The following ELL variants were observed in gnomAD, a reference collection of about 807,000 sequenced individuals.
The protein encoded by ELL is RNA polymerase II elongation factor ELL.
Under a neutral mutation model 64.0 loss-of-function variants are expected in ELL, and 18 were observed. The ratio of observed to expected loss-of-function variants is 0.28; its 90% CI spans 0.19 to 0.42. The LOEUF is 0.42. ELL is among the 10% of genes least tolerant of loss of function. The probability of loss-of-function intolerance (pLI) is 1.00; values close to 1 mark genes in which losing one functional copy is unlikely to be tolerated. For missense variants in ELL, 797 were observed against 870.4 expected (o/e 0.92, Z 1.06); for synonymous variants, 399 against 376.2 (o/e 1.06, Z -0.70).
intron 2 of ELL, chr19:18,472,588 T>G: frequency 1.9e-6 from 1 of 517,444 alleles, no homozygotes; most frequent in East Asian, 3.2e-5. Context: ...TGCACATCGC[T>G]GCATGAAGGG....
At chr19:18,520,916 C>G (rs897941661) in intron 1 of ELL, among the ~76,000 whole-genome samples, 3 of 151,926 alleles carry the variant, frequency 2.0e-5, no homozygotes, top group Non-Finnish European at 4.4e-5. Flanking sequence ...CCAGCACAGA[C>G]GGGGGGAGGG....
Position 18,450,520 on chromosome 19 carries a change from T to C in ELL, c.1422A>G (p.Ala474=). The C allele has an allele frequency of 6.2e-7, 1 of 1,613,188 alleles. No individual in the cohort carries two copies. The highest frequency in any genetic ancestry group is 8.5e-7 in the Non-Finnish European group (1 of 1,179,930). The change falls in exon 8 of 12, where the codon GCA becomes GCG. Residue 474 remains alanine, a synonymous_variant. Transcript: ENST00000262809. ...DKPRAQLPDC[A]PATHATPGAP... is the part of the protein sequence containing the mutation. The stretch of plus-strand genomic sequence containing the variant: ...CTCCGGGGGTGGCATGGGTGGCAGG[T>C]GCACAGTCTGGAAGCTGGGCCCGGG...
chr19:18,457,337 G>A (rs1178502670), intron 6 of ELL, among the ~76,000 whole-genome samples: 1 of 152,188 alleles, frequency 6.6e-6, no homozygotes, highest in Non-Finnish European at 1.5e-5. Flanking sequence ...GAGGACACAG[G>A]GTATGAGGAT....
chr19:18,497,580 G>A (rs931489278), intron 1 of ELL, among the ~76,000 whole-genome samples: 1 of 152,188 alleles, frequency 6.6e-6, no homozygotes, highest in African/African-American at 2.4e-5. Context: ...AGCACTTTAG[G>A]AGGCCTGGGT....
At chr19:18,458,133 A>G (rs1426315200) in intron 6 of ELL, 72 bp downstream of exon 6, 2 of 1,581,166 alleles carry the variant, frequency 1.3e-6, no homozygotes, top group Non-Finnish European at 1.7e-6. Flanking sequence ...AGACCACCCC[A>G]GCATCCTCTG....
chr19:18,446,756 G>T lies in ELL; in HGVS notation c.1524C>A (p.Asp508Glu). Residue 508 changes from aspartate (D) to glutamate (E), a missense_variant, in exon 9 of 12, where the codon GAC (aspartate) becomes GAA (glutamate). Transcript: ENST00000262809. ...SVPTSTSETP[D>E]YLLKYAAISS... is the part of the protein sequence containing the mutation. Reference sequence around the variant, plus strand: ...CCCAGACAAACACTCACAGCAAGTAGTCAGGCGTCTCCGACGTGGACGTGG... The same window carrying T: ...CCCAGACAAACACTCACAGCAAGTATTCAGGCGTCTCCGACGTGGACGTGG... 6.2e-7 allele frequency: 1 copy of T among 1,613,994 alleles called. No homozygotes were observed. The highest frequency in any genetic ancestry group is 1.7e-5 in the Admixed American group (1 of 60,010).
intron 1 of ELL, among the ~76,000 whole-genome samples, chr19:18,474,035 A>G (rs1975122850): frequency 6.6e-6 from 1 of 152,178 alleles, no homozygotes; most frequent in South Asian, 2.1e-4. Flanking sequence ...GCAGCTCCAC[A>G]CCTGCGACAG....
chr19:18,495,382 A>G (rs889264520), intron 1 of ELL, among the ~76,000 whole-genome samples: 4 of 152,160 alleles, frequency 2.6e-5, no homozygotes, highest in Non-Finnish European at 5.9e-5. Flanking sequence ...TGGCAACAGC[A>G]GCAAAAAGCC....
chr19:18,480,603 G>C (rs989873501), intron 1 of ELL, among the ~76,000 whole-genome samples: 1 of 152,240 alleles, frequency 6.6e-6, no homozygotes, highest in Non-Finnish European at 1.5e-5. Context: ...CAAGCCAAGT[G>C]TAATTCAGTG....
rs1974355461 is a variant in ELL, at chr19:18,444,091, G to A, written c.*661C>T. On this transcript the variant is annotated 3_prime_UTR_variant, in exon 12 of 12. Transcript: ENST00000262809. The stretch of plus-strand genomic sequence containing the variant: ...CCTTGGCTCTGAGCAGCTGTCTGGG[G>A]GCACCAGCTGGAGTTCTCAAAATAG... 2.6e-5 allele frequency: 6 copies of A among 231,212 alleles called. No homozygotes were observed. The East Asian group carries it at 3.7e-4, about 14-fold the overall frequency. The allele number at this position is 231,212 out of a possible 1,614,324, so 14.3% of individuals were successfully genotyped here.
At chr19:18,500,360 C>T (rs1285781094) in intron 1 of ELL, among the ~76,000 whole-genome samples, 1 of 152,122 alleles carries the variant, frequency 6.6e-6, no homozygotes, top group Non-Finnish European at 1.5e-5. Context: ...CTGTGCATAT[C>T]GTGGGTTTGT....
chr19:18,517,206 C>T (rs143064994), intron 1 of ELL, among the ~76,000 whole-genome samples: 2 of 152,216 alleles, frequency 1.3e-5, no homozygotes, highest in Non-Finnish European at 2.9e-5. Context: ...AGAAATCACT[C>T]ATCAGAGCAA....
In ELL at chr19:18,495,784, C is replaced by T. The variant is rs143206078; in HGVS notation, c.136-22902G>A. Among the ~76,000 whole-genome samples the T allele has an allele frequency of 6.3e-3, 958 of 152,308 alleles. 13 individuals are homozygous for T. Among genetic ancestry groups the T allele is most frequent in the African/African-American group, 0.022 (916 of 41,552 alleles). ...GATGGGGAGGCAGGCAGGTCCCACG[C>T]GCCTCAGCTTCCCAATACTGACCAA... On this transcript the variant is annotated intron_variant, in intron 1 of 11. Coordinates refer to ENST00000262809, the MANE Select transcript of ELL (RefSeq NM_006532.4).
chr19:18,476,208 G>T (rs898846228), intron 1 of ELL, among the ~76,000 whole-genome samples: 4 of 152,196 alleles, frequency 2.6e-5, no homozygotes, highest in African/African-American at 9.7e-5. Context: ...GAGAGCAGGT[G>T]GGCCCCGTCT....
chr19:18,460,546 G>A (rs1220193650), intron 5 of ELL, among the ~76,000 whole-genome samples: 1 of 152,212 alleles, frequency 6.6e-6, no homozygotes, highest in Non-Finnish European at 1.5e-5. Flanking sequence ...GCCAGCCCTA[G>A]CCTTGGGAGC....
intron 1 of ELL, among the ~76,000 whole-genome samples, chr19:18,475,090 C>T (rs1411612382): frequency 6.6e-6 from 1 of 152,144 alleles, no homozygotes; most frequent in Non-Finnish European, 1.5e-5. Flanking sequence ...CACCACTGCA[C>T]TCCAGCCTGG....
chr19:18,460,011 T>C (rs964509110), intron 5 of ELL, among the ~76,000 whole-genome samples: 6 of 152,158 alleles, frequency 3.9e-5, no homozygotes, highest in Admixed American at 3.9e-4. Flanking sequence ...ATGACAGGCT[T>C]TGCTAAATAT....
chr19:18,461,541 A>G, intron 5 of ELL, 37 bp downstream of exon 5: 1 of 1,564,432 alleles, frequency 6.4e-7, no homozygotes, highest in Non-Finnish European at 8.6e-7. Context: ...ATCTGCGGAG[A>G]CCACTGGTAA....
intron 6 of ELL, among the ~76,000 whole-genome samples, chr19:18,456,512 C>G (rs1366179599): frequency 6.6e-6 from 1 of 152,078 alleles, no homozygotes; most frequent in Non-Finnish European, 1.5e-5. Context: ...CAGGGAGGAG[C>G]AGGAAGGAGG....
Sources: allele counts gnomAD v4.1 joint callset (sites outside exome capture counted in the v4.1 genomes callset), GRCh38; gene constraint gnomAD v4.1.1; transcripts MANE v1.5; gene names NCBI Gene and HGNC (gene_info 2026-07-23, HGNC 2026-07-21).